The following RTF2 variants were observed in gnomAD, a reference collection of about 807,000 sequenced individuals.
RTF2 encodes UPF0549 protein C20orf43.
Under a neutral mutation model 38.0 loss-of-function variants are expected in RTF2, and 18 were observed. The observed-to-expected ratio is 0.47, with a 90% CI of 0.33 to 0.70. The LOEUF (loss-of-function observed/expected upper bound fraction) is 0.70. Among genes scored for constraint, RTF2 ranks in the 30% least tolerant of loss-of-function variants. The probability of loss-of-function intolerance (pLI) is 0.02; values close to 1 mark genes in which losing one functional copy is unlikely to be tolerated. For synonymous variants in RTF2, 126 were observed against 137.1 expected (o/e 0.92, Z 0.57); for missense variants, 311 against 379.6 (o/e 0.82, Z 1.50).
At chr20:56,494,229 G>T (rs1389478288) in intron 5 of RTF2, among the ~76,000 whole-genome samples, 1 of 152,194 alleles carries the variant, frequency 6.6e-6, no homozygotes, top group Admixed American at 6.5e-5. Context: ...ACTGAAGCTA[G>T]TGATGTTAAG....
chr20:56,473,119 A>T (rs1982056028), intron 1 of RTF2, among the ~76,000 whole-genome samples, 182 bp from the exon 2 acceptor site: 1 of 152,180 alleles, frequency 6.6e-6, no homozygotes, highest in South Asian at 2.1e-4. Flanking sequence ...CAACAGAGTG[A>T]GACCCCGTCT....
At chr20:56,491,725 C>T (rs1216354856) in intron 5 of RTF2, 1 of 1,552,222 alleles carries the variant, frequency 6.4e-7, no homozygotes, top group South Asian at 1.2e-5. Flanking sequence ...GAGAAGGCGA[C>T]TGAATGAGCC....
At chr20:56,507,723 G>A (rs1984372101) in intron 5 of RTF2, among the ~76,000 whole-genome samples, 1 of 152,174 alleles carries the variant, frequency 6.6e-6, no homozygotes, top group South Asian at 2.1e-4. Flanking sequence ...AAAGGTGGGG[G>A]CAGCACCCAC....
intron 5 of RTF2, among the ~76,000 whole-genome samples, chr20:56,487,704 G>A (rs1170492306): frequency 2.0e-5 from 3 of 152,206 alleles, no homozygotes; most frequent in Non-Finnish European, 2.9e-5. Flanking sequence ...ATGACTTACC[G>A]GAAAGTCATT....
intron 2 of RTF2, 28 bp downstream of exon 2, chr20:56,473,423 AGTTT>A: frequency 6.9e-7 from 1 of 1,450,708 alleles, no homozygotes; most frequent in Non-Finnish European, 9.4e-7. Flanking sequence ...AATCAAGATG[AGTTT>A]GTTAAGTGAT....
chr20:56,502,646 A>G (rs1028163832), intron 5 of RTF2, among the ~76,000 whole-genome samples: 1 of 152,240 alleles, frequency 6.6e-6, no homozygotes, highest in Non-Finnish European at 1.5e-5. Flanking sequence ...GAACCTTTAA[A>G]GGTGAACCCG....
chr20:56,513,218 C>T, intron 5 of RTF2, 97 bp from the exon 6 acceptor site: 1 of 1,481,082 alleles, frequency 6.8e-7, no homozygotes, highest in Non-Finnish European at 9.1e-7. Context: ...TACTCGGAGC[C>T]TGGGGGCCAC....
rs774730354 is a variant in RTF2, at chr20:56,518,073, C to T, written c.743-14C>T. The T allele has an allele frequency of 7.5e-6, 12 of 1,599,892 alleles. No individual in the cohort carries two copies. Among genetic ancestry groups the T allele is most frequent in the Non-Finnish European group, 1.0e-5 (12 of 1,174,808 alleles). On this transcript the variant is annotated splice_polypyrimidine_tract_variant and intron_variant, in intron 8 of 8. Coordinates refer to ENST00000357348, the MANE Select transcript of RTF2 (RefSeq NM_016407.5). ...TATCCCAACCCTGACAGTTTTGGCT[C>T]TTCATTTTTCTAGCAATGAATGAGA...
At chr20:56,477,214 T>G in intron 4 of RTF2, 90 bp downstream of exon 4, 1 of 1,489,978 alleles carries the variant, frequency 6.7e-7, no homozygotes, top group Non-Finnish European at 9.2e-7. Context: ...AGCAGTCATG[T>G]GGCTTGCTTT....
chr20:56,475,043 T>G (rs556190587), intron 3 of RTF2, among the ~76,000 whole-genome samples: 4 of 152,360 alleles, frequency 2.6e-5, no homozygotes, highest in African/African-American at 9.6e-5. Flanking sequence ...GAGGCATTAT[T>G]TTTGTAATTA....
chr20:56,489,018 T>C (rs993668255), intron 5 of RTF2, among the ~76,000 whole-genome samples: 2 of 152,196 alleles, frequency 1.3e-5, no homozygotes, highest in African/African-American at 4.8e-5. Context: ...CACATGCATT[T>C]AGTGTACTTT....
intron 5 of RTF2, among the ~76,000 whole-genome samples, chr20:56,506,817 C>T (rs1225183951): frequency 6.6e-6 from 1 of 152,142 alleles, no homozygotes; most frequent in Non-Finnish European, 1.5e-5. Flanking sequence ...TCTCCTGCCT[C>T]AGCCTCCCGA....
intron 5 of RTF2, among the ~76,000 whole-genome samples, chr20:56,489,015 A>G (rs1364236198): frequency 6.6e-6 from 1 of 151,854 alleles, no homozygotes; most frequent in African/African-American, 2.4e-5. Flanking sequence ...TTCCACATGC[A>G]TTTAGTGTAC....
At chr20:56,487,546 T>G (rs1337845469) in intron 5 of RTF2, among the ~76,000 whole-genome samples, 2 of 152,240 alleles carry the variant, frequency 1.3e-5, no homozygotes, top group African/African-American at 4.8e-5. Context: ...GGAAATTGTC[T>G]TAAAGATACA....
chr20:56,473,464 G>A, intron 2 of RTF2, 69 bp downstream of exon 2: 1 of 1,148,896 alleles, frequency 8.7e-7, no homozygotes, highest in Non-Finnish European at 1.3e-6. Context: ...TGTAAATGCA[G>A]TTTTCCATTC....
intron 5 of RTF2, among the ~76,000 whole-genome samples, chr20:56,488,164 C>T (rs1345977977): frequency 6.6e-6 from 1 of 152,138 alleles, no homozygotes; most frequent in Non-Finnish European, 1.5e-5. Context: ...AGTTCGAGAA[C>T]AGCCTGGCCA....
intron 5 of RTF2, among the ~76,000 whole-genome samples, chr20:56,485,935 C>CT (rs1052556116): frequency 5.5e-4 from 83 of 152,122 alleles, no homozygotes; most frequent in South Asian, 6.2e-4. Context: ...GGCCAGAGAA[C>CT]TTTTTTTTGT....
chr20:56,474,904 A>G (rs1982160382), intron 3 of RTF2, 133 bp downstream of exon 3: 1 of 547,136 alleles, frequency 1.8e-6, no homozygotes, highest in East Asian at 2.9e-5. Context: ...TAATACAGGT[A>G]TGATCTTGAG....
chr20:56,511,413 A>T (rs999007784), intron 5 of RTF2, among the ~76,000 whole-genome samples: 3 of 151,720 alleles, frequency 2.0e-5, no homozygotes, highest in Non-Finnish European at 4.4e-5. Flanking sequence ...TTCATCCCAA[A>T]ACCTTCCCCC....
Sources: allele counts gnomAD v4.1 joint callset (sites outside exome capture counted in the v4.1 genomes callset), GRCh38; gene constraint gnomAD v4.1.1; transcripts MANE v1.5; gene names NCBI Gene and HGNC (gene_info 2026-07-23, HGNC 2026-07-21).